Variants in VEPH1 observed in about 807,000 individuals in gnomAD.
VEPH1 encodes the protein ventricular zone-expressed PH domain-containing protein homolog 1.
VEPH1 carries 80 observed loss-of-function variants against 85.2 expected under a neutral mutation model. The observed-to-expected ratio is 0.94, with a 90% CI of 0.78 to 1.13. VEPH1 has a LOEUF of 1.13. VEPH1 is among the 50% of genes most tolerant of loss of function. The probability of loss-of-function intolerance (pLI) is 0.00; values close to 1 mark genes in which losing one functional copy is unlikely to be tolerated. For missense variants in VEPH1, 955 were observed against 980.5 expected, an observed-to-expected ratio of 0.97 and a Z score of 0.35; for synonymous variants, 297 against 348.0, an observed-to-expected ratio of 0.85 and a Z score of 1.63.
In VEPH1 at chr3:157,498,473, A is replaced by T. The variant is rs949276897; in HGVS notation, c.-157-2967T>A. Among the ~76,000 whole-genome samples the T allele has an allele frequency of 2.0e-5, 3 of 152,288 alleles. No homozygotes were observed. In the East Asian group the frequency reaches 5.8e-4, roughly 29 times the overall value. Reference sequence around the variant, plus strand: ...TACTTAGCCACTTAATTCTTATGACAATTCCATGCAATCAAAAACTGATGT... The same window carrying T: ...TACTTAGCCACTTAATTCTTATGACTATTCCATGCAATCAAAAACTGATGT... On this transcript the variant is annotated intron_variant, in intron 1 of 13. Transcript: ENST00000362010.
intron 9 of VEPH1, among the ~76,000 whole-genome samples, chr3:157,347,909 CTCT>C (rs1026743915): frequency 6.6e-6 from 1 of 152,228 alleles, no homozygotes; most frequent in African/African-American, 2.4e-5. Flanking sequence ...GCTACCCACC[CTCT>C]GTGAGCCAAG....
intron 11 of VEPH1, among the ~76,000 whole-genome samples, chr3:157,304,446 T>A (rs1719242443): frequency 6.6e-6 from 1 of 152,192 alleles, no homozygotes; most frequent in South Asian, 2.1e-4. Context: ...AAAGGCCTTT[T>A]CTTTCTGAAA....
intron 3 of VEPH1, among the ~76,000 whole-genome samples, chr3:157,461,781 T>A (rs560226777): frequency 6.6e-6 from 1 of 152,030 alleles, no homozygotes; most frequent in Non-Finnish European, 1.5e-5. Flanking sequence ...CAATTTCAGA[T>A]AGATTGCAGA....
At chr3:157,338,142 T>C (rs1723145309) in intron 9 of VEPH1, among the ~76,000 whole-genome samples, 1 of 152,190 alleles carries the variant, frequency 6.6e-6, no homozygotes, top group Non-Finnish European at 1.5e-5. Flanking sequence ...ATGTCTATGA[T>C]AAATAGTTCC....
intron 11 of VEPH1, among the ~76,000 whole-genome samples, chr3:157,302,097 CCT>C (rs1718873671): frequency 8.5e-6 from 1 of 117,716 alleles, no homozygotes; most frequent in African/African-American, 5.1e-5. Flanking sequence ...AGCTTTGATT[CCT>C]CATTTCCCCT....
intron 2 of VEPH1, among the ~76,000 whole-genome samples, chr3:157,488,512 T>C (rs1237251022): frequency 2.0e-5 from 3 of 151,184 alleles, no homozygotes; most frequent in Non-Finnish European, 4.4e-5. Context: ...TCTTTCTTTT[T>C]TTTTTTTTTT....
chr3:157,467,506 T>C (rs1736501854), intron 3 of VEPH1, among the ~76,000 whole-genome samples: 1 of 152,230 alleles, frequency 6.6e-6, no homozygotes, highest in Admixed American at 6.5e-5. Flanking sequence ...CAATGTTTAC[T>C]GCAAGCCAAA....
At chr3:157,348,315 T>C (rs1418724268) in intron 9 of VEPH1, among the ~76,000 whole-genome samples, 4 of 152,224 alleles carry the variant, frequency 2.6e-5, no homozygotes, top group African/African-American at 9.6e-5. Context: ...TTGTAGATAT[T>C]GAGGGACCTC....
At chr3:157,424,103 G>C (rs1187840226) in intron 5 of VEPH1, among the ~76,000 whole-genome samples, 4 of 152,120 alleles carry the variant, frequency 2.6e-5, no homozygotes, top group Non-Finnish European at 5.9e-5. Context: ...GGGACCTGGT[G>C]GGAGATAATT....
rs141208085 is a variant in VEPH1 at position 157,272,135 on chromosome 3, ACT to A, written c.2129-6475_2129-6474del. Among the ~76,000 whole-genome samples, 640 of 152,052 alleles carry A rather than the reference ACT, an allele frequency of 4.2e-3. 6 individuals carry two copies. The highest frequency in any genetic ancestry group is 0.015 in the African/African-American group (612 of 41,462). ...GGATGCCTAATAATTTTCCATGGAA[ACT>A]CTTGCAAAATCGCCCTTGTTTGAAG... On this transcript the variant is annotated intron_variant, in intron 12 of 13. Coordinates refer to ENST00000362010, the MANE Select transcript of VEPH1 (RefSeq NM_001167912.2).
intron 5 of VEPH1, among the ~76,000 whole-genome samples, chr3:157,418,785 C>T (rs1328945484): frequency 3.3e-5 from 5 of 152,126 alleles, no homozygotes; most frequent in Non-Finnish European, 1.5e-5. Flanking sequence ...TTCAATGCTA[C>T]TCTCATTAAA....
chr3:157,443,636 C>A (rs976616198), intron 4 of VEPH1: 1 of 152,340 alleles, frequency 6.6e-6, no homozygotes, highest in Non-Finnish European at 1.5e-5. Flanking sequence ...GGAGCAAACT[C>A]GTACTTTTCT....
In VEPH1 at chr3:157,438,037, G is replaced by GCGCGCACACA. The variant is rs1553786688; in HGVS notation, c.530-9550_530-9549insTGTGTGCGCG. On this transcript the variant is annotated intron_variant, in intron 4 of 13. Transcript: ENST00000362010. ...TCATGGGAAGCGCGCGCGCGCGCGC[G>GCGCGCACACA]CACACACACACACACACACACACAC... The GCGCGCACACA allele has an allele frequency of 5.8e-6, 3 of 516,100 alleles. No homozygotes were observed. In the South Asian group the frequency reaches 7.3e-5, roughly 13 times the overall value. 32.0% of individuals were successfully genotyped at this position (516,100 alleles called of 1,614,324 possible). A position where few individuals can be genotyped will look rare whatever the true frequency, so the allele number is the denominator to read the frequency against.
intron 4 of VEPH1, among the ~76,000 whole-genome samples, chr3:157,453,066 C>A (rs1735102121): frequency 6.6e-6 from 1 of 151,998 alleles, no homozygotes; most frequent in Non-Finnish European, 1.5e-5. Context: ...TGTGTCAGAT[C>A]AAAGAGAAAA....
At chr3:157,404,290 G>C (rs1730994219) in intron 6 of VEPH1, among the ~76,000 whole-genome samples, 1 of 152,144 alleles carries the variant, frequency 6.6e-6, no homozygotes, top group Non-Finnish European at 1.5e-5. Flanking sequence ...TTCCTTCAGA[G>C]TGCTTATGGT....
chr3:157,414,175 CTT>C, intron 5 of VEPH1, 85 bp from the exon 6 acceptor site: 1 of 1,128,240 alleles, frequency 8.9e-7, no homozygotes, highest in South Asian at 1.5e-5. Context: ...TGAAAGCAAA[CTT>C]TTTTTGCATT....
chr3:157,317,556 C>T (rs1167597881), intron 9 of VEPH1, among the ~76,000 whole-genome samples: 1 of 152,144 alleles, frequency 6.6e-6, no homozygotes, highest in Non-Finnish European at 1.5e-5. Flanking sequence ...TAAGAAAACC[C>T]AGGCATTTTC....
chr3:157,472,494 T>C (rs546088468), intron 2 of VEPH1, among the ~76,000 whole-genome samples: 1 of 152,348 alleles, frequency 6.6e-6, no homozygotes, highest in Non-Finnish European at 1.5e-5. Flanking sequence ...TTTTGCAACT[T>C]TCCCTATGTA....
intron 2 of VEPH1, among the ~76,000 whole-genome samples, chr3:157,489,668 G>A (rs1577799465): frequency 6.7e-6 from 1 of 149,002 alleles, no homozygotes; most frequent in East Asian, 2.0e-4. Flanking sequence ...TTATTTATTT[G>A]TTTATTTTCT....
Sources: allele counts gnomAD v4.1 joint callset (sites outside exome capture counted in the v4.1 genomes callset), GRCh38; gene constraint gnomAD v4.1.1; transcripts MANE v1.5; gene names NCBI Gene and HGNC (gene_info 2026-07-23, HGNC 2026-07-21).